NOL4: variants seen among roughly 807,000 people sequenced by gnomAD.
The protein encoded by NOL4 is nucleolar protein 4.
A neutral mutation model predicts 75.9 loss-of-function variants in NOL4; 17 were observed. The ratio of observed to expected loss-of-function variants is 0.22; its 90% confidence interval spans 0.15 to 0.34. The LOEUF (loss-of-function observed/expected upper bound fraction) is 0.34, where lower values mean the gene tolerates loss of function less well. NOL4 is among the 10% of genes least tolerant of loss of function. NOL4 has a pLI of 1.00. For synonymous variants in NOL4, 292 were observed against 289.9 expected (o/e 1.01, Z -0.07); for missense variants, 614 against 793.5 (o/e 0.77, Z 2.72).
intron 2 of NOL4, among the ~76,000 whole-genome samples, chr18:34,110,643 T>C (rs1195191003): frequency 6.6e-6 from 1 of 152,186 alleles, no homozygotes; most frequent in Non-Finnish European, 1.5e-5. Flanking sequence ...ATGCCCACTT[T>C]TGTCACTTGT....
intron 5 of NOL4, among the ~76,000 whole-genome samples, chr18:34,089,732 A>G (rs778012458): frequency 1.3e-5 from 2 of 152,172 alleles, no homozygotes; most frequent in Non-Finnish European, 2.9e-5. Context: ...AGATATTTTT[A>G]TTTGTCACAG....
intron 9 of NOL4, among the ~76,000 whole-genome samples, chr18:33,907,139 C>T (rs1027203329): frequency 1.3e-4 from 19 of 151,668 alleles, no homozygotes; most frequent in African/African-American, 2.7e-4. Context: ...CTGGCTAACA[C>T]GGTGAAACCC....
At chr18:33,959,636 AT>A (rs1264781326) in intron 6 of NOL4, among the ~76,000 whole-genome samples, 4 of 152,198 alleles carry the variant, frequency 2.6e-5, no homozygotes, top group East Asian at 3.9e-4. Flanking sequence ...TATAAAAGAT[AT>A]TTTTTGAGAC....
chr18:34,182,325 C>A (rs764951647), intron 1 of NOL4, among the ~76,000 whole-genome samples: 34 of 151,444 alleles, frequency 2.2e-4, no homozygotes, highest in Non-Finnish European at 4.3e-4. Flanking sequence ...TGTATCAATA[C>A]ATTTATATAA....
chr18:34,034,872 T>C (rs2075816720), intron 5 of NOL4, among the ~76,000 whole-genome samples: 1 of 152,080 alleles, frequency 6.6e-6, no homozygotes. Context: ...GGTCATTATG[T>C]AATGATAAAA....
rs368638682 is a variant in NOL4, at chr18:34,084,399, C to T, written c.772+9066G>A. Among the ~76,000 whole-genome samples the T allele has an allele frequency of 5.9e-5, 9 of 152,122 alleles. No homozygotes were observed. In the South Asian group the frequency reaches 8.3e-4, roughly 14 times the overall value. On this transcript the variant is annotated intron_variant, in intron 5 of 10. Transcript: ENST00000261592. The stretch of plus-strand genomic sequence containing the variant: ...ATTGTAACAGGGAGGCCCCGCCCGT[C>T]GAGGATAAGGAAAGCAACTGCCTAT...
chr18:33,925,570 A>G (rs2067276587), intron 9 of NOL4, among the ~76,000 whole-genome samples: 1 of 152,190 alleles, frequency 6.6e-6, no homozygotes, highest in African/African-American at 2.4e-5. Context: ...AATTAAACTA[A>G]TGTGACTTTC....
At chr18:34,165,057 C>A (rs1171490300) in intron 1 of NOL4, among the ~76,000 whole-genome samples, 1 of 135,998 alleles carries the variant, frequency 7.4e-6, no homozygotes, top group Non-Finnish European at 1.5e-5. Context: ...CACATGGACA[C>A]AGGAAGGGGA....
At position 33,958,423 on chromosome 18, in the gene NOL4, A is replaced by G; in HGVS notation, c.1057-5T>C. The stretch of plus-strand genomic sequence containing the variant: ...GGAGTAACTATGTGCAGGAGACTGA[A>G]AAGAGAAGGTGAAATAACTGCTTTT... On this transcript the variant is annotated splice_polypyrimidine_tract_variant and splice_region_variant and intron_variant, in intron 6 of 10. Coordinates refer to ENST00000261592, the MANE Select transcript of NOL4 (RefSeq NM_003787.5). 6.3e-7 allele frequency: 1 copy of G among 1,592,636 alleles called. No homozygotes were observed.
chr18:33,940,165 C>A (rs1311760737), intron 9 of NOL4, among the ~76,000 whole-genome samples: 1 of 151,958 alleles, frequency 6.6e-6, no homozygotes, highest in Non-Finnish European at 1.5e-5. Context: ...GGATCTAGAA[C>A]CAGAAATACC....
At chr18:34,193,221 A>T (rs970172139) in intron 1 of NOL4, among the ~76,000 whole-genome samples, 3 of 152,186 alleles carry the variant, frequency 2.0e-5, no homozygotes, top group Non-Finnish European at 4.4e-5. Flanking sequence ...TTTGATATAT[A>T]CCCAAAACAC....
intron 6 of NOL4, among the ~76,000 whole-genome samples, chr18:33,993,596 A>G (rs1374231783): frequency 6.6e-6 from 1 of 151,902 alleles, no homozygotes; most frequent in Non-Finnish European, 1.5e-5. Context: ...TGGCCCGTAT[A>G]CTGGAAATAA....
At chr18:33,943,535 CA>C (rs1025586317) in intron 8 of NOL4, among the ~76,000 whole-genome samples, 2 of 150,592 alleles carry the variant, frequency 1.3e-5, no homozygotes, top group Non-Finnish European at 3.0e-5. Flanking sequence ...ATGACATGCA[CA>C]AAAAAAACCA....
intron 1 of NOL4, among the ~76,000 whole-genome samples, chr18:34,144,242 T>C (rs2081308908): frequency 1.3e-5 from 2 of 152,150 alleles, no homozygotes; most frequent in Admixed American, 1.3e-4. Flanking sequence ...GTTTCATAAA[T>C]GGATTGCAAA....
chr18:33,937,854 T>C (rs905336671), intron 9 of NOL4, among the ~76,000 whole-genome samples: 1 of 152,118 alleles, frequency 6.6e-6, no homozygotes, highest in Non-Finnish European at 1.5e-5. Flanking sequence ...CCAGATGAAG[T>C]GAAGCACTTT....
At chr18:34,056,043 C>T (rs532780551) in intron 5 of NOL4, among the ~76,000 whole-genome samples, 1 of 152,186 alleles carries the variant, frequency 6.6e-6, no homozygotes, top group South Asian at 2.1e-4. Flanking sequence ...GTTTAGTCAT[C>T]TCTCTATGTT....
At chr18:33,910,660 C>T (rs2066341056) in intron 9 of NOL4, among the ~76,000 whole-genome samples, 1 of 152,098 alleles carries the variant, frequency 6.6e-6, no homozygotes, top group African/African-American at 2.4e-5. Flanking sequence ...CTCTCTCCTG[C>T]TGAGACCCAG....
intron 6 of NOL4, among the ~76,000 whole-genome samples, chr18:33,973,490 A>C (rs1272714161): frequency 6.6e-6 from 1 of 152,198 alleles, no homozygotes; most frequent in Non-Finnish European, 1.5e-5. Flanking sequence ...GGTATATGGA[A>C]TACTGTATTC....
intron 1 of NOL4, among the ~76,000 whole-genome samples, chr18:34,150,399 C>A (rs1201587057): frequency 2.0e-5 from 3 of 151,584 alleles, no homozygotes; most frequent in Non-Finnish European, 3.0e-5. Flanking sequence ...AAACGAGTAT[C>A]AGTAGGATAG....
Sources: gnomAD v4.1 joint callset for allele counts (sites outside exome capture counted in the v4.1 genomes callset) on GRCh38, gnomAD v4.1.1 for gene constraint, MANE v1.5 for transcripts, NCBI Gene and HGNC (gene_info 2026-07-23, HGNC 2026-07-21) for gene names.